Variants in GFRA1 observed in about 807,000 individuals in gnomAD.
The protein encoded by GFRA1 is GDNF family receptor alpha-1.
GFRA1 carries 16 observed loss-of-function variants against 51.6 expected under a neutral mutation model. That is an observed-to-expected ratio of 0.31 (90% CI 0.21 to 0.47). The LOEUF (loss-of-function observed/expected upper bound fraction) is 0.47. Among genes scored for constraint, GFRA1 ranks in the 20% least tolerant of loss-of-function variants. GFRA1 has a pLI of 1.00. For synonymous variants in GFRA1, 270 were observed against 241.3 expected (o/e 1.12, Z -1.10); for missense variants, 530 against 594.3 (o/e 0.89, Z 1.13).
At chr10:116,150,554 A>G (rs1434395172) in intron 5 of GFRA1, among the ~76,000 whole-genome samples, 1 of 152,186 alleles carries the variant, frequency 6.6e-6, no homozygotes, top group African/African-American at 2.4e-5. Flanking sequence ...AAGAATATTC[A>G]CCAGTGGCAC....
chr10:116,072,558 G>A (rs1327867591), intron 9 of GFRA1, among the ~76,000 whole-genome samples: 1 of 152,012 alleles, frequency 6.6e-6, no homozygotes, highest in Non-Finnish European at 1.5e-5. Context: ...TCAGGAGTTC[G>A]AGACCAGCCT....
Position 116,089,813 on chromosome 10 carries a change from G to C in GFRA1, c.1125C>G (p.Asn375Lys). 1 of 1,614,106 alleles carries C rather than the reference G, an allele frequency of 6.2e-7. No individual in the cohort carries two copies. The highest frequency in any genetic ancestry group is 8.5e-7 in the Non-Finnish European group (1 of 1,179,968). ...ATTTTALRVKNKPLGPAGSEN... is the reference protein window; with the variant it reads ...ATTTTALRVKKKPLGPAGSEN... ...CAGACCCTGCTGGCCCCAGGGGCTT[G>C]TTCTTAACCCGGAGGGCAGTGGTGG... The change falls in exon 9 of 11, where the codon AAC becomes AAG. Residue 375 changes from asparagine to lysine, a missense_variant. By Grantham distance (94) the Asn-to-Lys change is moderately conservative. Coordinates refer to ENST00000355422, the MANE Select transcript of GFRA1 (RefSeq NM_005264.8).
chr10:116,107,342 G>A (rs1957044526), intron 6 of GFRA1, among the ~76,000 whole-genome samples: 1 of 152,134 alleles, frequency 6.6e-6, no homozygotes, highest in African/African-American at 2.4e-5. Context: ...AAATCCTAGG[G>A]AGAGATGACC....
chr10:116,249,860 G>A lies in GFRA1; in HGVS notation c.418+19643C>T, dbSNP rs78779751. On this transcript the variant is annotated intron_variant, in intron 4 of 10. Coordinates refer to ENST00000355422, the MANE Select transcript of GFRA1 (RefSeq NM_005264.8). The stretch of plus-strand genomic sequence containing the variant: ...TTACAGAAACAGACACACAACACAA[G>A]TAAATCTACAAAATAGCTGAGGATA... Among the ~76,000 whole-genome samples, 162 of 152,262 alleles carry A rather than the reference G, an allele frequency of 1.1e-3. 3 individuals carry two copies. In the East Asian group the frequency reaches 0.029, roughly 27 times the overall value.
At chr10:116,266,882 C>T (rs2134798640) in intron 4 of GFRA1, among the ~76,000 whole-genome samples, 1 of 152,308 alleles carries the variant, frequency 6.6e-6, no homozygotes, top group Middle Eastern at 3.4e-3. Context: ...TGAGCCCAAC[C>T]TTTTCTCAGA....
At chr10:116,171,343 C>G (rs1392092339) in intron 5 of GFRA1, among the ~76,000 whole-genome samples, 1 of 152,136 alleles carries the variant, frequency 6.6e-6, no homozygotes, top group Non-Finnish European at 1.5e-5. Flanking sequence ...TTTTATCAAA[C>G]AGACGCTAAA....
chr10:116,095,980 G>C (rs1589784098), intron 7 of GFRA1, among the ~76,000 whole-genome samples: 2 of 152,178 alleles, frequency 1.3e-5, no homozygotes, highest in East Asian at 3.9e-4. Flanking sequence ...GGTATCCAGG[G>C]GTCCAAGTTT....
At position 116,106,654 on chromosome 10, in the gene GFRA1, C is replaced by T. The variant is rs143898650; in HGVS notation, c.771-9890G>A. ...CCTCCACTTTCTCTTGGTTCTGCTC[C>T]GATCATGTGACATGTCTGCATGAGG... is the stretch of plus-strand genomic sequence containing the variant. On this transcript the variant is annotated intron_variant, in intron 6 of 10. Transcript: ENST00000355422. Among the ~76,000 whole-genome samples the T allele has an allele frequency of 4.8e-3, 736 of 151,766 alleles. 6 individuals carry two copies. Among genetic ancestry groups the T allele is most frequent in the African/African-American group, 0.017 (697 of 41,348 alleles).
chr10:116,140,453 T>C (rs1033456736), intron 5 of GFRA1, among the ~76,000 whole-genome samples: 1 of 152,134 alleles, frequency 6.6e-6, no homozygotes, highest in African/African-American at 2.4e-5. Flanking sequence ...TGGGACCATA[T>C]TTAGTGATGT....
intron 5 of GFRA1, among the ~76,000 whole-genome samples, chr10:116,208,599 T>G (rs1258826379): frequency 6.6e-6 from 1 of 152,192 alleles, no homozygotes; most frequent in East Asian, 1.9e-4. Context: ...GGGACTTCAG[T>G]TGACAGCGCA....
At position 116,219,459 on chromosome 10, in the gene GFRA1, T is replaced by C. The variant is rs73372481; in HGVS notation, c.419-7814A>G. ...TGGGCTTAATGAATTCATGTACAAA[T>C]ATTTTAGATTGCATTATTAAAATCT... is the stretch of plus-strand genomic sequence containing the variant. On this transcript the variant is annotated intron_variant, in intron 4 of 10. Transcript: ENST00000355422. Among the ~76,000 whole-genome samples the C allele has an allele frequency of 3.1e-3, 474 of 152,316 alleles. 2 individuals are homozygous for C. Among genetic ancestry groups the C allele is most frequent in the African/African-American group, 9.8e-3 (406 of 41,578 alleles).
At position 116,061,130 on chromosome 10, in the gene GFRA1, T is replaced by C. The variant is rs1954793405; in HGVS notation, c.*3268A>G. The stretch of plus-strand genomic sequence containing the variant: ...CTCAGAGTGTATGCAAGACAGGAAG[T>C]GTCTGAATATGGACCAAATCAAAGG... On this transcript the variant is annotated 3_prime_UTR_variant, in exon 11 of 11. Transcript: ENST00000355422. 1.3e-5 allele frequency: 2 copies of C among 151,568 alleles called. No homozygotes were observed. The highest frequency in any genetic ancestry group is 4.2e-4 in the South Asian group (2 of 4,806). 9.4% of individuals were successfully genotyped at this position (151,568 alleles called of 1,614,324 possible). A position where few individuals can be genotyped will look rare whatever the true frequency, so the allele number is the denominator to read the frequency against.
intron 9 of GFRA1, among the ~76,000 whole-genome samples, chr10:116,082,392 T>TC (rs1955887664): frequency 1.3e-5 from 2 of 152,052 alleles, no homozygotes; most frequent in African/African-American, 4.8e-5. Context: ...CCTCTTCCCC[T>TC]CCTCCCTGGG....
At chr10:116,157,382 G>A (rs1035115776) in intron 5 of GFRA1, among the ~76,000 whole-genome samples, 1 of 152,158 alleles carries the variant, frequency 6.6e-6, no homozygotes, top group African/African-American at 2.4e-5. Context: ...GCACCCTGTG[G>A]AACCAGCTGC....
chr10:116,142,379 T>C (rs1457635057), intron 5 of GFRA1, among the ~76,000 whole-genome samples: 1 of 152,234 alleles, frequency 6.6e-6, no homozygotes, highest in African/African-American at 2.4e-5. Flanking sequence ...CATCTTTCAG[T>C]TCACAGTCCT....
At chr10:116,099,261 GA>G (rs1956724875) in intron 6 of GFRA1, among the ~76,000 whole-genome samples, 1 of 152,178 alleles carries the variant, frequency 6.6e-6, no homozygotes. Flanking sequence ...GGCCATGGTG[GA>G]GGGATTTACA....
At chr10:116,168,118 T>C (rs1176751643) in intron 5 of GFRA1, among the ~76,000 whole-genome samples, 1 of 148,186 alleles carries the variant, frequency 6.7e-6, no homozygotes, top group Non-Finnish European at 1.5e-5. Context: ...TAAGAGTCAG[T>C]GGTTCAAACC....
At chr10:116,160,907 G>A (rs570597987) in intron 5 of GFRA1, among the ~76,000 whole-genome samples, 1 of 152,246 alleles carries the variant, frequency 6.6e-6, no homozygotes, top group Non-Finnish European at 1.5e-5. Context: ...TAATTCTTGG[G>A]TTACACGATC....
At chr10:116,151,976 A>T (rs941936197) in intron 5 of GFRA1, among the ~76,000 whole-genome samples, 3 of 152,162 alleles carry the variant, frequency 2.0e-5, no homozygotes, top group Admixed American at 6.5e-5. Flanking sequence ...AGGTGGAGTG[A>T]GTTGAGGCAA....
Sources: gnomAD v4.1 joint callset for allele counts (sites outside exome capture counted in the v4.1 genomes callset) on GRCh38, gnomAD v4.1.1 for gene constraint, MANE v1.5 for transcripts, NCBI Gene and HGNC (gene_info 2026-07-23, HGNC 2026-07-21) for gene names.